Variants in PCDH9 observed in about 807,000 individuals in gnomAD.
The protein encoded by PCDH9 is protocadherin-9.
Under a neutral mutation model 70.6 loss-of-function variants are expected in PCDH9, and 24 were observed. The ratio of observed to expected loss-of-function variants is 0.34; its 90% CI spans 0.25 to 0.48. The LOEUF (loss-of-function observed/expected upper bound fraction) is 0.48. Ranked by LOEUF, PCDH9 falls within the 20% of genes least tolerant of loss-of-function variation. The pLI is 0.99. For missense variants in PCDH9, 1,281 were observed against 1,503.6 expected (o/e 0.85, Z 2.45); for synonymous variants, 562 against 558.5 (o/e 1.01, Z -0.09).
chr13:66,409,973 G>A (rs1772590756), intron 4 of PCDH9, among the ~76,000 whole-genome samples: 1 of 152,182 alleles, frequency 6.6e-6, no homozygotes, highest in African/African-American at 2.4e-5. Flanking sequence ...AGAAGCAGCA[G>A]CAGGAAAGAA....
chr13:67,037,784 G>A (rs1316501117), intron 2 of PCDH9, among the ~76,000 whole-genome samples: 3 of 152,124 alleles, frequency 2.0e-5, no homozygotes, highest in African/African-American at 4.8e-5. Context: ...TGATGGTTCA[G>A]GATTGTTCCA....
intron 3 of PCDH9, among the ~76,000 whole-genome samples, chr13:66,644,259 C>T (rs2077743014): frequency 6.6e-6 from 1 of 151,710 alleles, no homozygotes; most frequent in Non-Finnish European, 1.5e-5. Context: ...TTAACACTAA[C>T]ATTAACTATG....
At chr13:66,853,198 T>C (rs1367261002) in intron 3 of PCDH9, among the ~76,000 whole-genome samples, 1 of 77,918 alleles carries the variant, frequency 1.3e-5, no homozygotes, top group Non-Finnish European at 3.0e-5. Flanking sequence ...ATCTGAATAG[T>C]AGCAATAATA....
intron 3 of PCDH9, among the ~76,000 whole-genome samples, chr13:66,884,424 T>C (rs1338434252): frequency 6.6e-6 from 1 of 152,190 alleles, no homozygotes; most frequent in Non-Finnish European, 1.5e-5. Flanking sequence ...TGTCCTGCAC[T>C]CACCAAGCCA....
intron 4 of PCDH9, among the ~76,000 whole-genome samples, chr13:66,530,321 A>G (rs1960397762): frequency 6.6e-6 from 1 of 152,048 alleles, no homozygotes; most frequent in South Asian, 2.1e-4. Flanking sequence ...TGTGTGGCTT[A>G]TCTACTGAAA....
chr13:66,569,220 G>A (rs1410308953), intron 4 of PCDH9, among the ~76,000 whole-genome samples: 11 of 151,538 alleles, frequency 7.3e-5, no homozygotes, highest in Non-Finnish European at 1.6e-4. Context: ...GTTTCACCAT[G>A]TTGGCCAGGC....
chr13:67,115,865 T>C (rs2086759009), intron 2 of PCDH9, among the ~76,000 whole-genome samples: 1 of 152,182 alleles, frequency 6.6e-6, no homozygotes, highest in African/African-American at 2.4e-5. Context: ...AGGATGATAA[T>C]AATAATATAT....
intron 3 of PCDH9, among the ~76,000 whole-genome samples, chr13:66,707,413 G>A (rs1024236678): frequency 6.6e-6 from 1 of 152,166 alleles, no homozygotes; most frequent in Non-Finnish European, 1.5e-5. Context: ...CAGCTATTAA[G>A]CTACAGTTAC....
chr13:66,760,150 T>G (rs2079601458), intron 3 of PCDH9, among the ~76,000 whole-genome samples: 1 of 152,148 alleles, frequency 6.6e-6, no homozygotes, highest in Admixed American at 6.6e-5. Flanking sequence ...TTTTCCCCCT[T>G]CAGCAGTCTG....
rs1359002340 is a variant in PCDH9, at chr13:66,488,001, G to C, written c.3340+143209C>G. On this transcript the variant is annotated intron_variant, in intron 4 of 4. Transcript: ENST00000377865. ...AGTCCTCAAATGGATGAGACATATA[G>C]AGTAGAACCACAGCTTTCCTGGTGC... Among the ~76,000 whole-genome samples the C allele has an allele frequency of 5.3e-5, 8 of 152,270 alleles. No homozygotes were observed. In the South Asian group the frequency reaches 1.7e-3, roughly 32 times the overall value.
chr13:66,854,071 G>T (rs1011271887), intron 3 of PCDH9, among the ~76,000 whole-genome samples: 1 of 152,162 alleles, frequency 6.6e-6, no homozygotes, highest in African/African-American at 2.4e-5. Flanking sequence ...AATGTAAAAT[G>T]CTGTTCTTTT....
intron 3 of PCDH9, among the ~76,000 whole-genome samples, chr13:66,785,511 G>A (rs932841905): frequency 6.6e-6 from 1 of 151,872 alleles, no homozygotes; most frequent in Non-Finnish European, 1.5e-5. Flanking sequence ...TAAGAGAAGT[G>A]GAGATATCCT....
intron 2 of PCDH9, among the ~76,000 whole-genome samples, chr13:66,951,557 G>A (rs183307635): frequency 1.2e-3 from 185 of 152,278 alleles, no homozygotes; most frequent in African/African-American, 4.3e-3. Flanking sequence ...TATTTTAAAT[G>A]CTGGGGGAGT....
At chr13:66,759,713 TAAA>T (rs1594019929) in intron 3 of PCDH9, among the ~76,000 whole-genome samples, 2 of 150,636 alleles carry the variant, frequency 1.3e-5, no homozygotes, top group Admixed American at 6.6e-5. Flanking sequence ...TTATAGCTTA[TAAA>T]AACATTTTAT....
intron 4 of PCDH9, among the ~76,000 whole-genome samples, chr13:66,596,858 G>A (rs1263621352): frequency 1.4e-5 from 2 of 145,230 alleles, no homozygotes; most frequent in Non-Finnish European, 3.0e-5. Flanking sequence ...AGCTTGTGCT[G>A]TAGCAGAACA....
intron 3 of PCDH9, among the ~76,000 whole-genome samples, chr13:66,651,267 C>A (rs1287171664): frequency 6.6e-6 from 1 of 151,592 alleles, no homozygotes. Flanking sequence ...AACCTTTAGC[C>A]AGACCAAAAA....
intron 4 of PCDH9, among the ~76,000 whole-genome samples, chr13:66,560,687 G>T (rs1045896864): frequency 6.6e-6 from 1 of 152,156 alleles, no homozygotes; most frequent in Non-Finnish European, 1.5e-5. Context: ...AATACTCTTG[G>T]ATTGGAGAAT....
At chr13:66,479,394 T>A (rs1958795463) in intron 4 of PCDH9, among the ~76,000 whole-genome samples, 1 of 152,218 alleles carries the variant, frequency 6.6e-6, no homozygotes, top group South Asian at 2.1e-4. Flanking sequence ...TTATTTTTCA[T>A]AAGTCTAGAT....
rs1174580811 is a variant in PCDH9 at position 66,759,996 on chromosome 13, TTAAG to T, written c.3139-128589_3139-128586del. Among the ~76,000 whole-genome samples, 12 of 152,320 alleles carry T rather than the reference TTAAG, an allele frequency of 7.9e-5. No homozygotes were observed. In the East Asian group the frequency reaches 1.3e-3, roughly 17 times the overall value. ...TTCATTCATTTAATTTTCTCTCAGA[TTAAG>T]TAACTCCCTTTAGCAATTCTTACAG... On this transcript the variant is annotated intron_variant, in intron 3 of 4. Coordinates refer to ENST00000377865, the MANE Select transcript of PCDH9 (RefSeq NM_203487.3).
Sources: gnomAD v4.1 joint callset for allele counts (sites outside exome capture counted in the v4.1 genomes callset) on GRCh38, gnomAD v4.1.1 for gene constraint, MANE v1.5 for transcripts, NCBI Gene and HGNC (gene_info 2026-07-23, HGNC 2026-07-21) for gene names.